The following IL6ST variants were observed in gnomAD, a reference collection of about 807,000 sequenced individuals.
The protein encoded by IL6ST is interleukin-6 receptor subunit beta.
Under a neutral mutation model 91.3 loss-of-function variants are expected in IL6ST, and 24 were observed. That is an observed-to-expected ratio of 0.26 (90% CI 0.19 to 0.37). IL6ST has a LOEUF of 0.37. IL6ST is among the 10% of genes least tolerant of loss of function. IL6ST has a pLI of 1.00. For missense variants in IL6ST, 914 were observed against 1,078.5 expected (o/e 0.85, Z 2.14); for synonymous variants, 351 against 373.6 (o/e 0.94, Z 0.70).
intron 8 of IL6ST, among the ~76,000 whole-genome samples, chr5:55,958,200 G>C (rs1752100079): frequency 6.6e-6 from 1 of 152,104 alleles, no homozygotes; most frequent in Non-Finnish European, 1.5e-5. Context: ...TCAGCTCCTA[G>C]GCTCAGGTGA....
intron 7 of IL6ST, among the ~76,000 whole-genome samples, chr5:55,961,416 A>G (rs966370636): frequency 6.6e-6 from 1 of 152,150 alleles, no homozygotes; most frequent in Non-Finnish European, 1.5e-5. Context: ...AACCTGAAAG[A>G]AGCCGGTCAG....
At chr5:55,954,023 C>T (rs139711763) in intron 11 of IL6ST, among the ~76,000 whole-genome samples, 6 of 152,128 alleles carry the variant, frequency 3.9e-5, no homozygotes, top group African/African-American at 7.2e-5. Context: ...TTATTTCCAG[C>T]CTGTTTCAGG....
intron 7 of IL6ST, 88 bp downstream of exon 7, chr5:55,963,264 T>G: frequency 1.1e-6 from 1 of 937,756 alleles, no homozygotes; most frequent in East Asian, 2.6e-5. Flanking sequence ...AACCAGAAAC[T>G]TAAAGACATT....
Position 55,956,033 on chromosome 5 carries a change from TCA to T in IL6ST, c.1257_1258del (p.Cys419Ter). ...ATCTCACAGATACAAACCTTGAAAGTCACAGGCAGGGATAGTTAAAACAGCTG... is the reference window on the plus strand; with the variant it reads ...ATCTCACAGATACAAACCTTGAAAGTCAGGCAGGGATAGTTAAAACAGCTG... On this transcript the variant is annotated stop_gained and frameshift_variant, in exon 10 of 17. Transcript: ENST00000381298. LOFTEE classifies it high-confidence loss of function. The T allele has an allele frequency of 6.2e-7, 1 of 1,611,728 alleles. No individual in the cohort carries two copies. The highest frequency in any genetic ancestry group is 8.5e-7 in the Non-Finnish European group (1 of 1,177,868).
chr5:55,983,205 C>T (rs1244083423), intron 1 of IL6ST, among the ~76,000 whole-genome samples: 8 of 151,998 alleles, frequency 5.3e-5, no homozygotes, highest in Non-Finnish European at 1.2e-4. Context: ...TGCCATGTTG[C>T]CCAGGCTGAG....
chr5:55,990,935 T>C (rs1754288346), intron 1 of IL6ST, among the ~76,000 whole-genome samples: 1 of 133,728 alleles, frequency 7.5e-6, no homozygotes, highest in South Asian at 2.5e-4. Flanking sequence ...TTCTCCACCC[T>C]GTGTCCAAGC....
rs144182041 is a variant in IL6ST, at chr5:55,990,524, C to T, written c.-104+4260G>A. Among the ~76,000 whole-genome samples, 209 of 152,216 alleles carry T rather than the reference C, an allele frequency of 1.4e-3. 2 individuals carry two copies. Among genetic ancestry groups the T allele is most frequent in the African/African-American group, 4.9e-3 (203 of 41,522 alleles). On this transcript the variant is annotated intron_variant, in intron 1 of 16. Transcript: ENST00000381298. ...TACCCAAAGATAAAGTACTGGGCAT[C>T]GACTTTTCTTTTTAAATACCAACTT...
At chr5:55,975,032 T>G (rs1215378985) in intron 3 of IL6ST, among the ~76,000 whole-genome samples, 1 of 151,714 alleles carries the variant, frequency 6.6e-6, no homozygotes, top group Non-Finnish European at 1.5e-5. Context: ...TTACCCAGGA[T>G]AGAGTGCAAT....
intron 2 of IL6ST, among the ~76,000 whole-genome samples, chr5:55,979,607 T>G (rs1276832887): frequency 2.0e-5 from 3 of 152,200 alleles, no homozygotes; most frequent in Non-Finnish European, 4.4e-5. Flanking sequence ...CAGGTTATAG[T>G]GTAAATTGGC....
intron 7 of IL6ST, among the ~76,000 whole-genome samples, chr5:55,961,660 A>C (rs1045185755): frequency 2.0e-4 from 30 of 152,042 alleles, no homozygotes; most frequent in African/African-American, 6.5e-4. Context: ...CGGGAGTCTG[A>C]GGCAGAAGAA....
chr5:55,987,434 C>T (rs1754036474), intron 1 of IL6ST, among the ~76,000 whole-genome samples: 1 of 152,164 alleles, frequency 6.6e-6, no homozygotes, highest in South Asian at 2.1e-4. Context: ...GTCATTCCAA[C>T]AGATGTTTGA....
At chr5:55,971,986 T>C (rs11741953) in intron 3 of IL6ST, among the ~76,000 whole-genome samples, 18,561 of 152,164 alleles carry the variant, frequency 0.12, 1,217 homozygotes, top group Middle Eastern at 0.15. Flanking sequence ...CAATTTCCAA[T>C]AGCATGGTCC....
chr5:55,974,956 TACACACACAC>T (rs3039924), intron 3 of IL6ST, among the ~76,000 whole-genome samples: 6 of 114,518 alleles, frequency 5.2e-5, no homozygotes, highest in South Asian at 3.1e-4. Context: ...CACACACACA[TACACACACAC>T]ACACACACAC....
intron 15 of IL6ST, among the ~76,000 whole-genome samples, chr5:55,945,645 ATGC>A (rs1751197469): frequency 2.6e-5 from 2 of 76,686 alleles, no homozygotes; most frequent in African/African-American, 9.1e-5. Flanking sequence ...TAAAAAACTT[ATGC>A]TTTTTTTTTT....
At chr5:55,943,179 G>T (rs1751025316) in intron 15 of IL6ST, among the ~76,000 whole-genome samples, 1 of 152,096 alleles carries the variant, frequency 6.6e-6, no homozygotes, top group South Asian at 2.1e-4. Flanking sequence ...GTGCTTCAAA[G>T]AGTGAGAGCC....
chr5:55,984,548 A>G (rs1386772201), intron 1 of IL6ST, among the ~76,000 whole-genome samples: 1 of 152,224 alleles, frequency 6.6e-6, no homozygotes, highest in Non-Finnish European at 1.5e-5. Context: ...TACCACCAGA[A>G]GCTAGGAGAG....
chr5:55,954,215 C>T (rs995057877), intron 11 of IL6ST, among the ~76,000 whole-genome samples: 1 of 152,192 alleles, frequency 6.6e-6, no homozygotes, highest in African/African-American at 2.4e-5. Flanking sequence ...ATATTATTCA[C>T]AGCTGAATTC....
intron 3 of IL6ST, among the ~76,000 whole-genome samples, chr5:55,975,163 T>C (rs1753211723): frequency 6.6e-6 from 1 of 152,034 alleles, no homozygotes. Flanking sequence ...CACCCAAATC[T>C]CATGTCGTAT....
At chr5:55,957,485 C>T (rs1040465109) in intron 8 of IL6ST, among the ~76,000 whole-genome samples, 194 bp from the exon 9 acceptor site, 7 of 152,150 alleles carry the variant, frequency 4.6e-5, no homozygotes, top group Non-Finnish European at 1.0e-4. Flanking sequence ...ATAGCCTGAT[C>T]AATTATACTG....
Sources: gnomAD v4.1 joint callset for allele counts (sites outside exome capture counted in the v4.1 genomes callset) on GRCh38, gnomAD v4.1.1 for gene constraint, MANE v1.5 for transcripts, NCBI Gene and HGNC (gene_info 2026-07-23, HGNC 2026-07-21) for gene names.